THEM4: variants seen among roughly 807,000 people sequenced by gnomAD.
THEM4 encodes acyl-coenzyme A thioesterase THEM4.
Under a neutral mutation model 25.0 loss-of-function variants are expected in THEM4, and 22 were observed. The observed-to-expected ratio is 0.88, with a 90% CI of 0.63 to 1.26. The LOEUF (loss-of-function observed/expected upper bound fraction) is 1.26. Ranked by LOEUF, THEM4 falls within the 50% of genes most tolerant of loss-of-function variation. THEM4 has a pLI of 0.00. For missense variants in THEM4, 286 were observed against 300.3 expected (o/e 0.95, Z 0.35); for synonymous variants, 113 against 105.6 (o/e 1.07, Z -0.43).
chr1:151,899,928 G>A (rs1412205387), intron 1 of THEM4, among the ~76,000 whole-genome samples: 1 of 152,142 alleles, frequency 6.6e-6, no homozygotes, highest in Non-Finnish European at 1.5e-5. Context: ...AACCTATAAA[G>A]GAAAATCTAT....
intron 1 of THEM4, among the ~76,000 whole-genome samples, chr1:151,906,240 G>A (rs1011915041): frequency 2.3e-4 from 35 of 152,236 alleles, no homozygotes; most frequent in Non-Finnish European, 4.4e-4. Flanking sequence ...GCAGCCAGCC[G>A]GCCCTGCCGG....
At chr1:151,896,347 C>T (rs1654224165) in intron 1 of THEM4, among the ~76,000 whole-genome samples, 1 of 152,112 alleles carries the variant, frequency 6.6e-6, no homozygotes, top group Admixed American at 6.5e-5. Context: ...CACCATCATG[C>T]TTCCTGTATA....
At position 151,874,948 on chromosome 1, in the gene THEM4, G is replaced by A. The variant is rs758604035; in HGVS notation, c.683-20C>T. The A allele has an allele frequency of 1.2e-6, 2 of 1,603,022 alleles. No homozygotes were observed. ...ATAAGCCTAAACAAACAAAATAACA[G>A]CAGATGATTATATGTCAACTGACTT... On this transcript the variant is annotated intron_variant, in intron 5 of 5. Coordinates refer to ENST00000368814, the MANE Select transcript of THEM4 (RefSeq NM_053055.5).
At chr1:151,880,836 C>T (rs1572073469) in intron 4 of THEM4, among the ~76,000 whole-genome samples, 1 of 152,060 alleles carries the variant, frequency 6.6e-6, no homozygotes. Context: ...TGTCTTTGAA[C>T]TGATGGTTTG....
chr1:151,898,572 A>T (rs1470557935), intron 1 of THEM4, among the ~76,000 whole-genome samples: 1 of 152,208 alleles, frequency 6.6e-6, no homozygotes, highest in East Asian at 1.9e-4. Flanking sequence ...CCGGTCCCTC[A>T]CCATACTGCT....
At chr1:151,885,367 C>T (rs1485167827) in intron 4 of THEM4, among the ~76,000 whole-genome samples, 2 of 150,850 alleles carry the variant, frequency 1.3e-5, no homozygotes, top group African/African-American at 2.4e-5. Context: ...GATCCACCCG[C>T]CTTGGCCTCC....
At position 151,872,034 on chromosome 1, in the gene THEM4, T is replaced by C. The variant is rs370016819; in HGVS notation, c.*2854A>G. Among the ~76,000 whole-genome samples the C allele has an allele frequency of 7.9e-5, 12 of 152,206 alleles. No individual in the cohort carries two copies. The highest frequency in any genetic ancestry group is 1.5e-4 in the Non-Finnish European group (10 of 68,024). On this transcript the variant is annotated 3_prime_UTR_variant, in exon 6 of 6. Transcript: ENST00000368814. Reference sequence around the variant, plus strand: ...GAAGACTGGGAATAGAGGGTGGCCATTGCCAGACCTGTAACTTGTAGAGCT... The same window carrying C: ...GAAGACTGGGAATAGAGGGTGGCCACTGCCAGACCTGTAACTTGTAGAGCT...
In THEM4 at chr1:151,876,922, TCAAC is replaced by T. The variant is rs143944284; in HGVS notation, c.682+75_682+78del. ...CCCCCTGACCCCCACAAAACCCAAA[TCAAC>T]CAACCAACCAACCAACCAAAACTCC... On this transcript the variant is annotated intron_variant, in intron 5 of 5. Transcript: ENST00000368814. 2,888 of 1,504,220 alleles carry T rather than the reference TCAAC, an allele frequency of 1.9e-3. 39 individuals carry two copies. In the African/African-American group the frequency reaches 0.031, roughly 16 times the overall value. The allele number at this position is 1,504,220 out of a possible 1,614,324, so 93.2% of individuals were successfully genotyped here.
At chr1:151,889,507 G>GA in intron 2 of THEM4, 134 bp from the exon 3 acceptor site, 2 of 831,218 alleles carry the variant, frequency 2.4e-6, no homozygotes, top group Non-Finnish European at 1.9e-6. Context: ...GTGCAAAATT[G>GA]AAAGGAATGG....
chr1:151,881,931 G>T (rs1387829175), intron 4 of THEM4, among the ~76,000 whole-genome samples: 1 of 151,822 alleles, frequency 6.6e-6, no homozygotes, highest in Non-Finnish European at 1.5e-5. Context: ...ATTTTTCTAG[G>T]ACTCTAATTA....
intron 2 of THEM4, among the ~76,000 whole-genome samples, chr1:151,893,662 G>A (rs769413390): frequency 6.6e-6 from 1 of 152,088 alleles, no homozygotes; most frequent in Non-Finnish European, 1.5e-5. Context: ...TGGGAGACTG[G>A]GAGTTCTCTT....
chr1:151,905,843 A>T (rs1352735836), intron 1 of THEM4, among the ~76,000 whole-genome samples: 3 of 152,268 alleles, frequency 2.0e-5, no homozygotes, highest in Non-Finnish European at 4.4e-5. Context: ...GAGTAGGCCT[A>T]GGCTGCGGCC....
rs759520603 is a variant in THEM4 at position 151,888,263 on chromosome 1, G to A, written c.557+10C>T. 1.2e-6 allele frequency: 2 copies of A among 1,602,548 alleles called. No individual in the cohort carries two copies. Among genetic ancestry groups the A allele is most frequent in the Admixed American group, 1.7e-5 (1 of 59,356 alleles). ...ACCTAAGGATAAATAGAGAATTACT[G>A]TGAATTTACCTTTTATAATTGATGT... On this transcript the variant is annotated intron_variant, in intron 4 of 5. Transcript: ENST00000368814.
chr1:151,882,075 A>G (rs1376214888), intron 4 of THEM4, among the ~76,000 whole-genome samples: 1 of 152,100 alleles, frequency 6.6e-6, no homozygotes, highest in Non-Finnish European at 1.5e-5. Flanking sequence ...TCTGAAAATA[A>G]TAATTAAAAA....
chr1:151,895,283 G>T, intron 1 of THEM4, 89 bp from the exon 2 acceptor site: 1 of 1,144,978 alleles, frequency 8.7e-7, no homozygotes, highest in Non-Finnish European at 1.2e-6. Context: ...TTATCTTGCT[G>T]CTTTTCTTCT....
At chr1:151,906,021 C>A (rs1298792869) in intron 1 of THEM4, among the ~76,000 whole-genome samples, 1 of 152,264 alleles carries the variant, frequency 6.6e-6, no homozygotes, top group Non-Finnish European at 1.5e-5. Flanking sequence ...TCTGCCTGGG[C>A]TCCCACTTTG....
intron 4 of THEM4, among the ~76,000 whole-genome samples, chr1:151,882,372 CAAA>C (rs35928322): frequency 1.1e-4 from 12 of 104,970 alleles, no homozygotes; most frequent in Non-Finnish European, 1.2e-4. Context: ...GACTCCATCT[CAAA>C]AAAAAAAAAA....
chr1:151,908,928 T>C (rs943406529), intron 1 of THEM4, among the ~76,000 whole-genome samples: 3 of 152,216 alleles, frequency 2.0e-5, no homozygotes, highest in African/African-American at 7.2e-5. Flanking sequence ...AGATCTCTAA[T>C]TAATTGACCT....
intron 1 of THEM4, among the ~76,000 whole-genome samples, chr1:151,904,750 G>C (rs559296649): frequency 6.6e-6 from 1 of 152,194 alleles, no homozygotes; most frequent in Non-Finnish European, 1.5e-5. Flanking sequence ...GGGAGTTACT[G>C]ACTGGGAAAG....
Sources: allele counts gnomAD v4.1 joint callset (sites outside exome capture counted in the v4.1 genomes callset), GRCh38; gene constraint gnomAD v4.1.1; transcripts MANE v1.5; gene names NCBI Gene and HGNC (gene_info 2026-07-23, HGNC 2026-07-21).